Variants in MGMT observed in about 807,000 individuals in gnomAD.
The protein encoded by MGMT is O-6-methylguanine-DNA methyltransferase, also known as methylated-DNA--protein-cysteine methyltransferase.
In MGMT, 14 loss-of-function variants were observed where a neutral mutation model predicts 15.9. The ratio of observed to expected loss-of-function variants is 0.88; its 90% CI spans 0.58 to 1.37. MGMT has a LOEUF of 1.37. Among genes scored for constraint, MGMT ranks in the 40% most tolerant of loss-of-function variants. The pLI, the probability that MGMT is intolerant of heterozygous loss-of-function variation, is 0.00. For missense variants in MGMT, 282 were observed against 268.1 expected (o/e 1.05, Z -0.36); for synonymous variants, 130 against 118.2 (o/e 1.10, Z -0.65).
intron 2 of MGMT, among the ~76,000 whole-genome samples, chr10:129,588,721 T>C (rs547455694): frequency 5.3e-5 from 8 of 152,368 alleles, no homozygotes; most frequent in African/African-American, 1.9e-4. Flanking sequence ...CTCTGTGAAG[T>C]GTGTGTGCCA....
At chr10:129,751,430 A>G (rs1378030993) in intron 3 of MGMT, among the ~76,000 whole-genome samples, 2 of 151,722 alleles carry the variant, frequency 1.3e-5, no homozygotes, top group African/African-American at 4.8e-5. Context: ...TCTTTTAGAG[A>G]TTTATAAATT....
intron 1 of MGMT, among the ~76,000 whole-genome samples, chr10:129,493,173 T>G (rs774993249): frequency 1.3e-5 from 2 of 152,158 alleles, no homozygotes; most frequent in Non-Finnish European, 2.9e-5. Flanking sequence ...TTAGGGATGC[T>G]TTTCCCTAAG....
intron 2 of MGMT, among the ~76,000 whole-genome samples, chr10:129,606,451 C>T (rs1318553628): frequency 6.6e-6 from 1 of 152,196 alleles, no homozygotes; most frequent in Non-Finnish European, 1.5e-5. Flanking sequence ...GCAAAGCGTG[C>T]AGCGGGGAGG....
chr10:129,468,704 G>T (rs1237609986), intron 1 of MGMT, among the ~76,000 whole-genome samples: 1 of 152,066 alleles, frequency 6.6e-6, no homozygotes, highest in Non-Finnish European at 1.5e-5. Context: ...GGCCAACATG[G>T]TGAAACCCAG....
At chr10:129,539,139 TC>T (rs1846016658) in intron 2 of MGMT, among the ~76,000 whole-genome samples, 1 of 152,194 alleles carries the variant, frequency 6.6e-6, no homozygotes. Flanking sequence ...TGTCTTTTTT[TC>T]CCTTTATGTT....
chr10:129,513,837 G>C (rs1164702628), intron 1 of MGMT, among the ~76,000 whole-genome samples: 5 of 152,224 alleles, frequency 3.3e-5, no homozygotes, highest in Admixed American at 3.3e-4. Flanking sequence ...CTGAGCCCCA[G>C]TTACAGTCAG....
intron 3 of MGMT, among the ~76,000 whole-genome samples, chr10:129,713,850 T>C (rs1230468880): frequency 6.6e-6 from 1 of 152,132 alleles, no homozygotes; most frequent in Non-Finnish European, 1.5e-5. Flanking sequence ...TTCAGAGCTG[T>C]CTGGAGGAGC....
intron 2 of MGMT, among the ~76,000 whole-genome samples, chr10:129,599,607 T>C (rs1846793996): frequency 6.6e-6 from 1 of 152,198 alleles, no homozygotes; most frequent in South Asian, 2.1e-4. Flanking sequence ...TCAAAAATTA[T>C]GGTAATAAGC....
intron 2 of MGMT, among the ~76,000 whole-genome samples, chr10:129,644,100 T>C (rs540767716): frequency 9.2e-5 from 14 of 152,342 alleles, no homozygotes; most frequent in African/African-American, 3.4e-4. Context: ...TTGAGTGTTC[T>C]TCCTAGCAGA....
rs549878022 is a variant in MGMT, at chr10:129,664,959, G to A, written c.126-42936G>A. 5.3e-5 allele frequency among the ~76,000 whole-genome samples: 8 copies of A among 152,314 alleles called. No homozygotes were observed. The South Asian group carries it at 1.7e-3, about 32-fold the overall frequency. On this transcript the variant is annotated intron_variant, in intron 2 of 4. Transcript: ENST00000651593. Reference sequence around the variant, plus strand: ...GACAGTGCCAAGTGCTGATGAAGATGCAGAGCAGCCAGAGTCCATTGCGGG... The same window carrying A: ...GACAGTGCCAAGTGCTGATGAAGATACAGAGCAGCCAGAGTCCATTGCGGG...
At chr10:129,673,007 G>A (rs1405348215) in intron 2 of MGMT, among the ~76,000 whole-genome samples, 2 of 152,180 alleles carry the variant, frequency 1.3e-5, no homozygotes, top group African/African-American at 2.4e-5. Flanking sequence ...GATCAGAGCA[G>A]GGCTGTGGCT....
chr10:129,610,965 A>G (rs1485766235), intron 2 of MGMT, among the ~76,000 whole-genome samples: 2 of 152,236 alleles, frequency 1.3e-5, no homozygotes, highest in African/African-American at 2.4e-5. Context: ...TGAAAGTTCC[A>G]GCCAACAGGA....
At chr10:129,530,378 C>T (rs945482699) in intron 1 of MGMT, among the ~76,000 whole-genome samples, 2 of 152,138 alleles carry the variant, frequency 1.3e-5, no homozygotes, top group African/African-American at 2.4e-5. Flanking sequence ...TTGCAAGCAA[C>T]GTATGGTGTG....
rs1431177029 is a variant in MGMT, at chr10:129,770,924, T to G, written c.*3927T>G. On this transcript the variant is annotated 3_prime_UTR_variant, in exon 5 of 5. Coordinates refer to ENST00000651593, the MANE Select transcript of MGMT (RefSeq NM_002412.5). The stretch of plus-strand genomic sequence containing the variant: ...CCCTCAGACCTCAGACCGTGTGGGT[T>G]TTTTTTTCTTTCTTTCTTTCCTGTT... 6.7e-6 allele frequency among the ~76,000 whole-genome samples: 1 copy of G among 150,334 alleles called. No individual in the cohort carries two copies. Among genetic ancestry groups the G allele is most frequent in the East Asian group, 1.9e-4 (1 of 5,156 alleles).
intron 3 of MGMT, among the ~76,000 whole-genome samples, chr10:129,713,054 G>A (rs930133457): frequency 2.6e-5 from 4 of 152,162 alleles, no homozygotes; most frequent in African/African-American, 7.2e-5. Context: ...CATAGATCAC[G>A]GCAGCACGCA....
chr10:129,507,810 T>C (rs1475880332), intron 1 of MGMT, among the ~76,000 whole-genome samples: 1 of 152,238 alleles, frequency 6.6e-6, no homozygotes, highest in Non-Finnish European at 1.5e-5. Flanking sequence ...GGAGAAACCT[T>C]TCCGTCTCCC....
intron 3 of MGMT, among the ~76,000 whole-genome samples, chr10:129,747,434 G>A (rs1848707077): frequency 6.6e-6 from 1 of 152,014 alleles, no homozygotes; most frequent in South Asian, 2.1e-4. Flanking sequence ...TTTTCTGACT[G>A]GATATAGATT....
chr10:129,552,742 C>G (rs1178926321), intron 2 of MGMT, among the ~76,000 whole-genome samples: 1 of 152,208 alleles, frequency 6.6e-6, no homozygotes, highest in African/African-American at 2.4e-5. Context: ...CCACGCGGTC[C>G]CCTTCTGCTG....
intron 2 of MGMT, among the ~76,000 whole-genome samples, chr10:129,616,313 C>T (rs762138879): frequency 3.3e-5 from 5 of 152,182 alleles, no homozygotes; most frequent in Middle Eastern, 3.2e-3. Flanking sequence ...GATGCAGAGC[C>T]GGAGAGGCCG....
Sources: allele counts gnomAD v4.1 joint callset (sites outside exome capture counted in the v4.1 genomes callset), GRCh38; gene constraint gnomAD v4.1.1; transcripts MANE v1.5; gene names NCBI Gene and HGNC (gene_info 2026-07-23, HGNC 2026-07-21).